Variants in PMFBP1 observed in about 807,000 individuals in gnomAD.
The protein encoded by PMFBP1 is polyamine modulated factor 1 binding protein 1, also known as polyamine-modulated factor 1-binding protein 1.
A neutral mutation model predicts 137.8 loss-of-function variants in PMFBP1; 131 were observed. The observed-to-expected ratio is 0.95, with a 90% CI of 0.82 to 1.10. The LOEUF is 1.10. Among genes scored for constraint, PMFBP1 ranks in the 50% least tolerant of loss-of-function variants. The pLI, the probability that PMFBP1 is intolerant of heterozygous loss-of-function variation, is 0.00. For missense variants in PMFBP1, 1,199 were observed against 1,175.4 expected (o/e 1.02, Z -0.29); for synonymous variants, 490 against 450.4 (o/e 1.09, Z -1.11).
chr16:72,123,648 G>A lies in PMFBP1; in HGVS notation c.2591C>T (p.Pro864Leu), dbSNP rs1251258137. 2 of 1,613,290 alleles carry A rather than the reference G, an allele frequency of 1.2e-6. No individual in the cohort carries two copies. Among genetic ancestry groups the A allele is most frequent in the Admixed American group, 3.3e-5 (2 of 59,976 alleles). ...CACAGACCACTGGGGCAGGCAGCAGGGCTTGGGTACAAGAAGAAAACGAGA... is the reference window on the plus strand; with the variant it reads ...CACAGACCACTGGGGCAGGCAGCAGAGCTTGGGTACAAGAAGAAAACGAGA... ...KENLLEDDKEPCCLPQWSVPK... is the reference protein window; with the variant it reads ...KENLLEDDKELCCLPQWSVPK... The change falls in exon 18 of 21, where the codon CCC (proline) becomes CTC (leucine). Residue 864 changes from proline to leucine, a missense_variant and splice_region_variant. Transcript: ENST00000237353.
the PMFBP1 span, among the ~76,000 whole-genome samples, chr16:72,217,604 C>T: frequency 6.6e-6 from 1 of 152,306 alleles, no homozygotes; most frequent in South Asian, 2.1e-4. Context: ...GTAATCCCAA[C>T]ACTTTGGGAA....
At chr16:72,138,620 A>C (rs1415375603) in intron 7 of PMFBP1, among the ~76,000 whole-genome samples, 3 of 152,028 alleles carry the variant, frequency 2.0e-5, no homozygotes, top group African/African-American at 7.3e-5. Context: ...GGTTGAAGTG[A>C]TTCTCCTGCC....
At chr16:72,170,047 T>A (rs902599432) in intron 2 of PMFBP1, among the ~76,000 whole-genome samples, 3 of 151,912 alleles carry the variant, frequency 2.0e-5, no homozygotes, top group African/African-American at 7.3e-5. Flanking sequence ...TTTTTCACTA[T>A]CATATCATTT....
chr16:72,154,423 A>G lies in PMFBP1; in HGVS notation c.202T>C (p.Ser68Pro), dbSNP rs148700195. The G allele has an allele frequency of 6.2e-7, 1 of 1,613,962 alleles. No individual in the cohort carries two copies. Among genetic ancestry groups the G allele is most frequent in the African/African-American group, 1.3e-5 (1 of 74,972 alleles). The change falls in exon 4 of 21, where the codon TCA (serine) becomes CCA (proline). Residue 68 changes from serine (S) to proline (P), a missense_variant. Coordinates refer to ENST00000237353, the MANE Select transcript of PMFBP1 (RefSeq NM_031293.3). ...TTACTGGACCCAAATTCCACCTCTG[A>G]CTCCTCGAATGCTAATGCCTGTGCT... ...KQAQALAFEESEVEFGSSKQC... is the reference protein window; with the variant it reads ...KQAQALAFEEPEVEFGSSKQC...
At chr16:72,152,800 G>A (rs1010855159) in intron 4 of PMFBP1, among the ~76,000 whole-genome samples, 1 of 149,366 alleles carries the variant, frequency 6.7e-6, no homozygotes, top group South Asian at 2.1e-4. Context: ...AGCCAAGATC[G>A]GGCCAATGCA....
In PMFBP1 at chr16:72,120,043, G is replaced by A. The variant is rs146411391; in HGVS notation, c.2815C>T (p.Leu939=). 7.9e-5 allele frequency: 128 copies of A among 1,614,170 alleles called. No individual in the cohort carries two copies. In the African/African-American group the frequency reaches 1.3e-3, roughly 16 times the overall value. The change falls in exon 20 of 21, where the codon CTG becomes TTG. Residue 939 remains leucine, a synonymous_variant. Coordinates refer to ENST00000237353, the MANE Select transcript of PMFBP1 (RefSeq NM_031293.3). ...MVHLQQENKK[L]KKEIEEKKMK... The stretch of plus-strand genomic sequence containing the variant: ...TTCTTCTCTTCTATCTCCTTCTTCA[G>A]CTTCTTGTTTTCCTGCTGCAAGTGG...
In PMFBP1 at chr16:72,140,619, T is replaced by C. The variant is rs762123549; in HGVS notation, c.637-37A>G. On this transcript the variant is annotated intron_variant, in intron 5 of 20. Coordinates refer to ENST00000237353, the MANE Select transcript of PMFBP1 (RefSeq NM_031293.3). ...AAAAATAATGGGTTGATTTTGCTTA[T>C]AGTTTGTGAGTTACTTCAGAATTCC... 37 of 1,577,288 alleles carry C rather than the reference T, an allele frequency of 2.3e-5. 1 individual carries two copies. The highest frequency in any genetic ancestry group is 1.7e-4 in the Middle Eastern group (1 of 5,998).
chr16:72,249,532 A>C, the PMFBP1 span, among the ~76,000 whole-genome samples: 1 of 152,026 alleles, frequency 6.6e-6, no homozygotes, highest in Non-Finnish European at 1.5e-5. Flanking sequence ...TTCAATAATT[A>C]TTTACTGGCA....
At chr16:72,180,967 G>A (rs2043274172), upstream of PMFBP1, among the ~76,000 whole-genome samples, 1 of 152,156 alleles carries the variant, frequency 6.6e-6, no homozygotes, top group African/African-American at 2.4e-5. Flanking sequence ...CTCGCCGGGA[G>A]CGGTAGCTCA....
intron 5 of PMFBP1, among the ~76,000 whole-genome samples, chr16:72,142,814 T>G (rs1597473766): frequency 6.6e-6 from 1 of 152,122 alleles, no homozygotes; most frequent in East Asian, 1.9e-4. Context: ...ATATACACAG[T>G]GGCAGAGATT....
At chr16:72,201,218 T>C in the PMFBP1 span, among the ~76,000 whole-genome samples, 2 of 152,246 alleles carry the variant, frequency 1.3e-5, no homozygotes, top group Non-Finnish European at 2.9e-5. Flanking sequence ...AATTTGGTTC[T>C]ATGTCCTTGG....
chr16:72,133,691 G>A (rs1452593912), intron 9 of PMFBP1, among the ~76,000 whole-genome samples: 2 of 152,114 alleles, frequency 1.3e-5, no homozygotes, highest in Admixed American at 6.5e-5. Context: ...GTTGTCGGGC[G>A]ACCATCAGGT....
the PMFBP1 span, among the ~76,000 whole-genome samples, chr16:72,215,992 C>T: frequency 4.9e-4 from 75 of 152,366 alleles, 2 homozygotes; most frequent in South Asian, 5.6e-3. Flanking sequence ...TCTTTCTACA[C>T]TACCAAAGCA....
At chr16:72,138,448 T>C (rs1262819688) in intron 7 of PMFBP1, among the ~76,000 whole-genome samples, 1 of 152,234 alleles carries the variant, frequency 6.6e-6, no homozygotes, top group Non-Finnish European at 1.5e-5. Flanking sequence ...ATGGCTGACT[T>C]AACAGGACCT....
At chr16:72,135,111 TCTC>T (rs990002448) in intron 9 of PMFBP1, among the ~76,000 whole-genome samples, 50 of 152,150 alleles carry the variant, frequency 3.3e-4, no homozygotes, top group African/African-American at 1.2e-3. Flanking sequence ...GACGGGCATA[TCTC>T]CTCTGTGCCT....
chr16:72,136,468 G>A lies in PMFBP1; in HGVS notation c.1183C>T (p.Leu395Phe). The A allele has an allele frequency of 6.2e-7, 1 of 1,613,808 alleles. No individual in the cohort carries two copies. Among genetic ancestry groups the A allele is most frequent in the Non-Finnish European group, 8.5e-7 (1 of 1,179,914 alleles). The change falls in exon 9 of 21, where the codon CTC becomes TTC. Residue 395 changes from leucine to phenylalanine, a missense_variant. Coordinates refer to ENST00000237353, the MANE Select transcript of PMFBP1 (RefSeq NM_031293.3). The stretch of plus-strand genomic sequence containing the variant: ...TTTACCTTGTCTTTCTTCAAAGTGA[G>A]CTTTTGGGTCTCGGTGAACTCCAGC... ...LQLEFTETQK[L>F]TLKKDKFLQE...
chr16:72,159,128 C>T (rs1490171798), intron 3 of PMFBP1, among the ~76,000 whole-genome samples: 1 of 152,140 alleles, frequency 6.6e-6, no homozygotes, highest in Admixed American at 6.5e-5. Context: ...TCTTTGCTTC[C>T]ACGTCCCTGT....
the PMFBP1 span, among the ~76,000 whole-genome samples, chr16:72,228,535 G>A: frequency 0.04 from 6,059 of 152,168 alleles, 158 homozygotes; most frequent in Non-Finnish European, 0.056. Context: ...CATCACTGTG[G>A]GGAACACAGA....
intron 4 of PMFBP1, among the ~76,000 whole-genome samples, chr16:72,152,445 A>T (rs1428693992): frequency 6.6e-6 from 1 of 152,178 alleles, no homozygotes; most frequent in Non-Finnish European, 1.5e-5. Context: ...GGGATATTTA[A>T]GTGAAGGTGT....
Sources: gnomAD v4.1 joint callset for allele counts (sites outside exome capture counted in the v4.1 genomes callset) on GRCh38, gnomAD v4.1.1 for gene constraint, MANE v1.5 for transcripts, NCBI Gene and HGNC (gene_info 2026-07-23, HGNC 2026-07-21) for gene names.